RNF144B: variants seen among roughly 807,000 people sequenced by gnomAD.
RNF144B encodes ring finger protein 144B, also known as E3 ubiquitin-protein ligase RNF144B.
RNF144B carries 25 observed loss-of-function variants against 40.2 expected under a neutral mutation model. That is an observed-to-expected ratio of 0.62 (90% CI 0.45 to 0.87). The LOEUF is 0.87. Among genes scored for constraint, RNF144B ranks in the 40% least tolerant of loss-of-function variants. The probability of loss-of-function intolerance (pLI) is 0.00; values close to 1 mark genes in which losing one functional copy is unlikely to be tolerated. For synonymous variants in RNF144B, 145 were observed against 136.3 expected (o/e 1.06, Z -0.44); for missense variants, 365 against 373.7 (o/e 0.98, Z 0.19).
chr6:18,439,306 C>G (rs1469125610), intron 3 of RNF144B, among the ~76,000 whole-genome samples: 3 of 152,102 alleles, frequency 2.0e-5, no homozygotes, highest in Admixed American at 6.6e-5. Flanking sequence ...AAAGCTAGAA[C>G]TTTAATTTCA....
intron 4 of RNF144B, among the ~76,000 whole-genome samples, chr6:18,455,385 C>A (rs960373742): frequency 1.3e-5 from 2 of 152,124 alleles, no homozygotes. Context: ...CATTTCTAGG[C>A]GAGACATTAG....
At chr6:18,439,898 C>G (rs1055505918) in intron 4 of RNF144B, among the ~76,000 whole-genome samples, 154 bp downstream of exon 4, 9 of 152,076 alleles carry the variant, frequency 5.9e-5, no homozygotes, top group Non-Finnish European at 4.4e-5. Context: ...CATAAAATTT[C>G]AAGCCTCTAA....
At chr6:18,413,937 G>A (rs966673944) in intron 2 of RNF144B, among the ~76,000 whole-genome samples, 2 of 152,026 alleles carry the variant, frequency 1.3e-5, no homozygotes, top group African/African-American at 4.8e-5. Context: ...TTCAGAAAAG[G>A]AAGACTGGTT....
rs140353428 is a variant in RNF144B, at chr6:18,418,112, T to C, written c.166-9469T>C. ...GAGTTTTGATGAGAATTTAAAGAAG[T>C]TGAAACTCTCATACACTGCTGGTGG... On this transcript the variant is annotated intron_variant, in intron 2 of 7. Transcript: ENST00000259939. This position sits in a 1 kb window ranked among gnomAD's most constrained non-coding sequence, Gnocchi z 5.2. Among the ~76,000 whole-genome samples the C allele has an allele frequency of 2.5e-4, 38 of 152,280 alleles. 1 individual carries two copies. The East Asian group carries it at 6.7e-3, about 27-fold the overall frequency.
intron 2 of RNF144B, among the ~76,000 whole-genome samples, chr6:18,409,393 A>AAAC (rs1207575973): frequency 2.0e-5 from 3 of 150,148 alleles, no homozygotes; most frequent in Non-Finnish European, 3.0e-5. Flanking sequence ...AAAAAAAAAA[A>AAAC]AAAAAAAAAA....
intron 4 of RNF144B, among the ~76,000 whole-genome samples, chr6:18,440,795 G>T (rs200426201): frequency 4.4e-5 from 5 of 113,282 alleles, no homozygotes; most frequent in Admixed American, 8.6e-5. Flanking sequence ...TTTTTGTGGT[G>T]TTTTTTTTTT....
At chr6:18,399,253 T>C (rs1422806553) in intron 1 of RNF144B, among the ~76,000 whole-genome samples, 1 of 152,126 alleles carries the variant, frequency 6.6e-6, no homozygotes, top group Non-Finnish European at 1.5e-5. Context: ...ACCATAGTGG[T>C]CTTTTAATTT....
At chr6:18,411,488 TATATATA>T (rs1226011086) in intron 2 of RNF144B, among the ~76,000 whole-genome samples, 3,037 of 32,080 alleles carry the variant, frequency 0.095, 279 homozygotes, top group Non-Finnish European at 0.11. Context: ...TATATATATA[TATATATA>T]TATTTTTTTT....
intron 4 of RNF144B, among the ~76,000 whole-genome samples, chr6:18,451,768 G>C (rs955870857): frequency 6.6e-6 from 1 of 152,208 alleles, no homozygotes; most frequent in African/African-American, 2.4e-5. Flanking sequence ...ACTAAGCTGA[G>C]ATAGGAAGTA....
At chr6:18,461,950 C>T (rs76202232) in intron 6 of RNF144B, among the ~76,000 whole-genome samples, 2,650 of 152,210 alleles carry the variant, frequency 0.017, 31 homozygotes, top group Non-Finnish European at 0.028. Context: ...GGATGAGTTA[C>T]GCTTAATTGT....
intron 2 of RNF144B, among the ~76,000 whole-genome samples, chr6:18,404,086 C>G (rs570981823): frequency 1.3e-5 from 2 of 152,284 alleles, no homozygotes; most frequent in South Asian, 2.1e-4. Flanking sequence ...TGGGGATAAA[C>G]AAACCATATC....
intron 6 of RNF144B, among the ~76,000 whole-genome samples, chr6:18,461,943 T>C (rs1404872579): frequency 6.6e-6 from 1 of 152,148 alleles, no homozygotes; most frequent in Non-Finnish European, 1.5e-5. Context: ...TTTCAGAGGA[T>C]GAGTTACGCT....
rs1405288078 is a variant in RNF144B, at chr6:18,399,491, T to G, written c.-36-8T>G. ...ATATAATATTTTCTGCTTTGGACCT[T>G]TCTATAGGGATTGAGGAGACTGAAG... On this transcript the variant is annotated splice_region_variant and splice_polypyrimidine_tract_variant and intron_variant, in intron 1 of 7. Coordinates refer to ENST00000259939, the MANE Select transcript of RNF144B (RefSeq NM_182757.4). 1 of 1,602,234 alleles carries G rather than the reference T, an allele frequency of 6.2e-7. No individual in the cohort carries two copies. The highest frequency in any genetic ancestry group is 1.1e-5 in the South Asian group (1 of 90,310).
chr6:18,436,557 A>G (rs979542287), intron 3 of RNF144B, among the ~76,000 whole-genome samples: 3 of 152,120 alleles, frequency 2.0e-5, no homozygotes, highest in Admixed American at 2.0e-4. Flanking sequence ...TCTCTATACA[A>G]GTTTTGCAAC....
chr6:18,449,030 T>C (rs920630890), intron 4 of RNF144B, among the ~76,000 whole-genome samples: 1 of 152,202 alleles, frequency 6.6e-6, no homozygotes, highest in Non-Finnish European at 1.5e-5. Flanking sequence ...CTCTATTTTA[T>C]AGGGAAGAAA....
intron 3 of RNF144B, among the ~76,000 whole-genome samples, chr6:18,438,936 A>G (rs1261006547): frequency 6.6e-6 from 1 of 152,190 alleles, no homozygotes; most frequent in African/African-American, 2.4e-5. Context: ...ACATCAATGG[A>G]ATTAAAATGT....
Position 18,463,540 on chromosome 6 carries a change from A to G in RNF144B, c.771+160A>G, listed in dbSNP as rs554555157. Among the ~76,000 whole-genome samples the G allele has an allele frequency of 2.0e-5, 3 of 152,308 alleles. No homozygotes were observed. In the East Asian group the frequency reaches 5.8e-4, roughly 29 times the overall value. On this transcript the variant is annotated intron_variant, in intron 7 of 7. Coordinates refer to ENST00000259939, the MANE Select transcript of RNF144B (RefSeq NM_182757.4). ...CAGGGCTAGGGAAAAGTAATGGGGT[A>G]AATACCTAAAGTTAATTCATGAGCA...
chr6:18,444,062 T>C lies in RNF144B; in HGVS notation c.331+4318T>C, dbSNP rs1321657098. Among the ~76,000 whole-genome samples, 1 of 152,238 alleles carries C rather than the reference T, an allele frequency of 6.6e-6. No homozygotes were observed. Among genetic ancestry groups the C allele is most frequent in the African/African-American group, 2.4e-5 (1 of 41,464 alleles). Reference sequence around the variant, plus strand: ...ATTCTTAGTGCCTGCCAAGTTCTTTTAGTCTTTAGCTTGTTGTTCAGTGTG... The same window carrying C: ...ATTCTTAGTGCCTGCCAAGTTCTTTCAGTCTTTAGCTTGTTGTTCAGTGTG... On this transcript the variant is annotated intron_variant, in intron 4 of 7. Transcript: ENST00000259939. This position sits in a 1 kb window ranked among gnomAD's most constrained non-coding sequence, Gnocchi z 4.3.
chr6:18,412,981 A>AT lies in RNF144B; in HGVS notation c.165+13282_165+13283insT, dbSNP rs1795078020. Among the ~76,000 whole-genome samples, 1 of 152,218 alleles carries AT rather than the reference A, an allele frequency of 6.6e-6. No individual in the cohort carries two copies. Among genetic ancestry groups the AT allele is most frequent in the African/African-American group, 2.4e-5 (1 of 41,460 alleles). ...ATCTGTTTAAAAAAATTACGGAAGG[A>AT]AAAGCAAGGGCATTTGAGTACCTTT... On this transcript the variant is annotated intron_variant, in intron 2 of 7. Transcript: ENST00000259939. The surrounding 1 kb of genome is among the most constrained non-coding windows in gnomAD (Gnocchi z 4.2).
Sources: gnomAD v4.1 joint callset for allele counts (sites outside exome capture counted in the v4.1 genomes callset) on GRCh38, gnomAD v4.1.1 for gene constraint, Gnocchi (gnomAD v3.1) non-coding constraint, MANE v1.5 for transcripts, NCBI Gene and HGNC (gene_info 2026-07-23, HGNC 2026-07-21) for gene names.